Variants in MAGI2 observed in about 807,000 individuals in gnomAD.
MAGI2 encodes the protein membrane associated guanylate kinase, WW and PDZ domain containing 2, also known as membrane-associated guanylate kinase, WW and PDZ domain-containing protein 2.
MAGI2 carries 35 observed loss-of-function variants against 133.3 expected under a neutral mutation model. That is an observed-to-expected ratio of 0.26 (90% confidence interval 0.20 to 0.35). The LOEUF (loss-of-function observed/expected upper bound fraction) is 0.35, where lower values mean the gene tolerates loss of function less well. Ranked by LOEUF, MAGI2 falls within the 10% of genes least tolerant of loss-of-function variation. MAGI2 has a pLI of 1.00. For missense variants in MAGI2, 1,636 were observed against 1,863.4 expected, an observed-to-expected ratio of 0.88 and a Z score of 2.25; for synonymous variants, 729 against 710.6, an observed-to-expected ratio of 1.03 and a Z score of -0.41.
intron 6 of MAGI2, among the ~76,000 whole-genome samples, chr7:78,389,714 A>G (rs183904847): frequency 0.01 from 1,596 of 152,030 alleles, 28 homozygotes; most frequent in African/African-American, 0.037. Context: ...CATTTCAGGT[A>G]TTTTCCAAAG....
chr7:78,797,765 A>G (rs191977167), intron 2 of MAGI2, among the ~76,000 whole-genome samples: 69 of 152,272 alleles, frequency 4.5e-4, no homozygotes, highest in Admixed American at 1.4e-3. Context: ...GCCAAGCCCA[A>G]TGGATTATAT....
chr7:79,091,824 G>A (rs766191597), intron 1 of MAGI2, among the ~76,000 whole-genome samples: 18 of 151,688 alleles, frequency 1.2e-4, no homozygotes, highest in South Asian at 1.0e-3. Context: ...TGAATGTTAC[G>A]TAATTTTTTA....
intron 9 of MAGI2, among the ~76,000 whole-genome samples, chr7:78,276,704 G>A (rs972106448): frequency 1.3e-5 from 2 of 152,068 alleles, no homozygotes; most frequent in Admixed American, 1.3e-4. Context: ...ATATGTATAT[G>A]AAATATACAA....
At chr7:79,443,263 AGT>A (rs10600872) in intron 1 of MAGI2, among the ~76,000 whole-genome samples, 20,654 of 143,590 alleles carry the variant, frequency 0.14, 1,770 homozygotes, top group African/African-American at 0.25. Flanking sequence ...TAGTGTTTGA[AGT>A]GTGTGTGTGT....
chr7:78,272,858 G>A (rs1252701815), intron 9 of MAGI2, among the ~76,000 whole-genome samples: 6 of 152,120 alleles, frequency 3.9e-5, no homozygotes, highest in African/African-American at 1.4e-4. Context: ...TGGGTCTACT[G>A]AATATAGCAT....
At chr7:79,316,036 A>G (rs1403470053) in intron 1 of MAGI2, among the ~76,000 whole-genome samples, 2 of 152,142 alleles carry the variant, frequency 1.3e-5, no homozygotes, top group Non-Finnish European at 2.9e-5. Context: ...AATGAGAATC[A>G]TAACACTCAG....
At chr7:79,320,229 T>C (rs1479751640) in intron 1 of MAGI2, among the ~76,000 whole-genome samples, 1 of 151,978 alleles carries the variant, frequency 6.6e-6, no homozygotes, top group Non-Finnish European at 1.5e-5. Flanking sequence ...GATATACAAA[T>C]AACACACACA....
intron 3 of MAGI2, among the ~76,000 whole-genome samples, chr7:78,598,115 T>G (rs1804810781): frequency 6.6e-6 from 1 of 152,192 alleles, no homozygotes; most frequent in South Asian, 2.1e-4. Flanking sequence ...ATGCATTAAT[T>G]TAAAATTAAA....
At chr7:78,068,473 T>G (rs1382795288) in intron 21 of MAGI2, among the ~76,000 whole-genome samples, 3 of 151,846 alleles carry the variant, frequency 2.0e-5, no homozygotes, top group Admixed American at 2.0e-4. Flanking sequence ...TCCTCAGTTG[T>G]AACAAATGCA....
chr7:78,619,366 A>G (rs1381605694), intron 3 of MAGI2, among the ~76,000 whole-genome samples: 1 of 151,870 alleles, frequency 6.6e-6, no homozygotes, highest in East Asian at 1.9e-4. Context: ...TCCTATGCCC[A>G]TGCATACTGA....
chr7:78,794,025 T>C (rs939417965), intron 2 of MAGI2, among the ~76,000 whole-genome samples: 2 of 152,248 alleles, frequency 1.3e-5, no homozygotes, highest in Admixed American at 6.5e-5. Flanking sequence ...ATAAAGTGAC[T>C]AGATGGTACT....
At chr7:78,936,102 T>G (rs1800493702) in intron 2 of MAGI2, among the ~76,000 whole-genome samples, 1 of 151,910 alleles carries the variant, frequency 6.6e-6, no homozygotes, top group African/African-American at 2.4e-5. Context: ...ATATTAATTA[T>G]TAAAGACAAT....
At position 78,624,699 on chromosome 7, in the gene MAGI2, C is replaced by A. The variant is rs189615391; in HGVS notation, c.538+2421G>T. Among the ~76,000 whole-genome samples, 541 of 98,342 alleles carry A rather than the reference C, an allele frequency of 5.5e-3. 5 individuals carry two copies. The highest frequency in any genetic ancestry group is 0.019 in the African/African-American group (528 of 27,550). 64.5% of individuals were successfully genotyped at this position (98,342 alleles called of 152,430 possible). ...GAAAGAACAGCTAATGGATGCTAGG[C>A]TTAATATGTAGGTGATGGGGATGAT... is the stretch of plus-strand genomic sequence containing the variant. On this transcript the variant is annotated intron_variant, in intron 3 of 21. Coordinates refer to ENST00000354212, the MANE Select transcript of MAGI2 (RefSeq NM_012301.4).
chr7:78,934,340 T>C (rs1800358955), intron 2 of MAGI2, among the ~76,000 whole-genome samples: 2 of 152,114 alleles, frequency 1.3e-5, no homozygotes, highest in Non-Finnish European at 2.9e-5. Flanking sequence ...CTGACCTCAG[T>C]TGATCAGCCT....
intron 20 of MAGI2, among the ~76,000 whole-genome samples, chr7:78,119,097 G>A (rs111608392): frequency 0.026 from 3,960 of 152,292 alleles, 78 homozygotes; most frequent in Admixed American, 0.048. Flanking sequence ...ATATGACATG[G>A]TGGAAAAGGC....
chr7:78,980,930 C>G (rs1804729761), intron 2 of MAGI2, among the ~76,000 whole-genome samples: 1 of 151,670 alleles, frequency 6.6e-6, no homozygotes, highest in Admixed American at 6.6e-5. Context: ...GAATTCTCAG[C>G]AGGAAATTAT....
intron 2 of MAGI2, among the ~76,000 whole-genome samples, chr7:78,673,430 C>T (rs1814631700): frequency 6.6e-6 from 1 of 151,798 alleles, no homozygotes; most frequent in South Asian, 2.1e-4. Flanking sequence ...AGCCAAGTAC[C>T]AAGTACTTGG....
intron 1 of MAGI2, among the ~76,000 whole-genome samples, chr7:79,391,600 G>A (rs569265613): frequency 6.8e-5 from 10 of 147,484 alleles, no homozygotes; most frequent in Non-Finnish European, 3.0e-5. Context: ...CATGTGCAGA[G>A]TGCACAGGTT....
chr7:78,716,835 G>A (rs1244605636), intron 2 of MAGI2, among the ~76,000 whole-genome samples: 2 of 152,156 alleles, frequency 1.3e-5, no homozygotes, highest in African/African-American at 4.8e-5. Flanking sequence ...ACTATATTGG[G>A]CTTTTCATGG....
Sources: allele counts gnomAD v4.1 joint callset (sites outside exome capture counted in the v4.1 genomes callset), GRCh38; gene constraint gnomAD v4.1.1; transcripts MANE v1.5; gene names NCBI Gene and HGNC (gene_info 2026-07-23, HGNC 2026-07-21).